AGO3: variants seen among roughly 807,000 people sequenced by gnomAD.
AGO3 encodes argonaute RISC catalytic component 3.
AGO3 carries 16 observed loss-of-function variants against 105.5 expected under a neutral mutation model. The observed-to-expected ratio is 0.15, with a 90% CI of 0.10 to 0.23. AGO3 has a LOEUF of 0.23. Ranked by LOEUF, AGO3 falls within the 10% of genes least tolerant of loss-of-function variation. The pLI, the probability that AGO3 is intolerant of heterozygous loss-of-function variation, is 1.00. For missense variants in AGO3, 534 were observed against 1,088.0 expected, an observed-to-expected ratio of 0.49 and a Z score of 7.16; for synonymous variants, 340 against 367.3, an observed-to-expected ratio of 0.93 and a Z score of 0.85.
rs1021439473 is a variant in AGO3 at position 36,062,651 on chromosome 1, T to C, written c.*6906T>C. On this transcript the variant is annotated 3_prime_UTR_variant, in exon 19 of 19. Transcript: ENST00000373191. ...ATGTAGTTACCTACCAGAGGGCAAT[T>C]TTGCTCCATACCAGGAAGCAGTAAA... 3 of 152,080 alleles carry C rather than the reference T, an allele frequency of 2.0e-5. No individual in the cohort carries two copies. The highest frequency in any genetic ancestry group is 2.9e-5 in the Non-Finnish European group (2 of 68,018). The allele number at this position is 152,080 out of a possible 1,614,324, so 9.4% of individuals were successfully genotyped here.
At chr1:36,024,927 A>C (rs1229586525) in intron 11 of AGO3, among the ~76,000 whole-genome samples, 1 of 152,052 alleles carries the variant, frequency 6.6e-6, no homozygotes, top group African/African-American at 2.4e-5. Flanking sequence ...GTTTCCACTC[A>C]TGCTGCCCTT....
intron 9 of AGO3, among the ~76,000 whole-genome samples, chr1:36,012,591 A>T (rs1240413880): frequency 1.3e-5 from 2 of 152,104 alleles, no homozygotes; most frequent in Admixed American, 1.3e-4. Flanking sequence ...ATTTTATATA[A>T]ATTATAAATC....
intron 5 of AGO3, among the ~76,000 whole-genome samples, chr1:35,977,250 A>G (rs970813827): frequency 6.8e-6 from 1 of 147,126 alleles, no homozygotes; most frequent in African/African-American, 2.5e-5. Context: ...ACCCATAAAA[A>G]TTTTTTTTTA....
Position 36,040,310 on chromosome 1 carries a change from T to C in AGO3, c.2041T>C (p.Leu681=). 1 of 1,612,728 alleles carries C rather than the reference T, an allele frequency of 6.2e-7. No homozygotes were observed. The highest frequency in any genetic ancestry group is 8.5e-7 in the Non-Finnish European group (1 of 1,178,932). The change falls in exon 16 of 19, where the codon TTA becomes CTA. Residue 681 remains leucine, a synonymous_variant. Coordinates refer to ENST00000373191, the MANE Select transcript of AGO3 (RefSeq NM_024852.4). ...CTTTCCATTTCATATTCTCTAGGTA[T>C]TATATTATGAACTACTAGCAATTCG... is the stretch of plus-strand genomic sequence containing the variant. The part of the protein sequence containing the change: ...GVSEGQFRQV[L]YYELLAIREA...
rs1557722951 is a variant in AGO3, at chr1:36,066,094, A to G, written c.*10349A>G. ...TAGATCATCCCAAAAAAGAATTGCCATGAACAGCGTTATGCGTAGAAAACA... is the reference window on the plus strand; with the variant it reads ...TAGATCATCCCAAAAAAGAATTGCCGTGAACAGCGTTATGCGTAGAAAACA... On this transcript the variant is annotated 3_prime_UTR_variant, in exon 19 of 19. Transcript: ENST00000373191. The G allele has an allele frequency of 6.6e-6, 1 of 152,116 alleles. No individual in the cohort carries two copies. The highest frequency in any genetic ancestry group is 1.9e-4 in the East Asian group (1 of 5,186). The allele number at this position is 152,116 out of a possible 1,614,324, so 9.4% of individuals were successfully genotyped here.
chr1:36,033,642 C>A (rs1641880928), intron 12 of AGO3, among the ~76,000 whole-genome samples: 9 of 131,578 alleles, frequency 6.8e-5, no homozygotes, highest in Admixed American at 7.6e-5. Context: ...GAGATCCTCT[C>A]AAAAAAAAAA....
At chr1:35,955,000 C>CATGAGCAAAGGT (rs1418992289) in intron 2 of AGO3, among the ~76,000 whole-genome samples, 1 of 152,124 alleles carries the variant, frequency 6.6e-6, no homozygotes, top group Non-Finnish European at 1.5e-5. Flanking sequence ...ACATAGACAG[C>CATGAGCAAAGGT]ATGAGCAAAG....
At chr1:36,009,727 G>A in intron 9 of AGO3, 133 bp downstream of exon 9, 2 of 935,660 alleles carry the variant, frequency 2.1e-6, no homozygotes, top group Non-Finnish European at 3.1e-6. Flanking sequence ...AATCATGGAA[G>A]TAATCTAATG....
At position 35,996,956 on chromosome 1, in the gene AGO3, G is replaced by A. The variant is rs866611884; in HGVS notation, c.659-7385G>A. Among the ~76,000 whole-genome samples, 3 of 152,082 alleles carry A rather than the reference G, an allele frequency of 2.0e-5. No homozygotes were observed. The South Asian group carries it at 6.2e-4, about 32-fold the overall frequency. On this transcript the variant is annotated intron_variant, in intron 5 of 18. Coordinates refer to ENST00000373191, the MANE Select transcript of AGO3 (RefSeq NM_024852.4). ...AGATTTGGAGCAACTAGAAATTTAG[G>A]AGTGTAAAATGGTACAAGTACTTTG...
chr1:35,963,796 G>GTTT (rs938801839), intron 2 of AGO3, among the ~76,000 whole-genome samples: 2 of 152,166 alleles, frequency 1.3e-5, no homozygotes, highest in Non-Finnish European at 2.9e-5. Flanking sequence ...AAGAAATACT[G>GTTT]CAAAGACGTG....
chr1:35,939,234 A>G (rs1646208945), intron 1 of AGO3, among the ~76,000 whole-genome samples: 1 of 152,166 alleles, frequency 6.6e-6, no homozygotes, highest in East Asian at 1.9e-4. Flanking sequence ...TCTGGATATT[A>G]TGAAAATATC....
chr1:35,948,280 C>T lies in AGO3; in HGVS notation c.191+2417C>T, dbSNP rs1485174722. On this transcript the variant is annotated intron_variant, in intron 2 of 18. Coordinates refer to ENST00000373191, the MANE Select transcript of AGO3 (RefSeq NM_024852.4). Reference sequence around the variant, plus strand: ...TTGCCCAGGCTGGAGTGCAATGGCGCGATTTCCGCTCACTGCAACCTCTGC... The same window carrying T: ...TTGCCCAGGCTGGAGTGCAATGGCGTGATTTCCGCTCACTGCAACCTCTGC... Among the ~76,000 whole-genome samples the T allele has an allele frequency of 8.0e-5, 12 of 149,664 alleles. No individual in the cohort carries two copies. In the East Asian group the frequency reaches 1.2e-3, roughly 15 times the overall value.
intron 5 of AGO3, among the ~76,000 whole-genome samples, chr1:35,989,622 C>T (rs1647425980): frequency 6.6e-6 from 1 of 151,998 alleles, no homozygotes; most frequent in Non-Finnish European, 1.5e-5. Flanking sequence ...ACCTGTAATC[C>T]CAGCATTTTT....
rs1392250766 is a variant in AGO3, at chr1:35,937,402, T to A, written c.19+5957T>A. Among the ~76,000 whole-genome samples the A allele has an allele frequency of 8.3e-5, 12 of 144,386 alleles. No homozygotes were observed. In the East Asian group the frequency reaches 9.8e-4, roughly 12 times the overall value. 94.7% of individuals were successfully genotyped at this position (144,386 alleles called of 152,430 possible). A position where few individuals can be genotyped will look rare whatever the true frequency, so the allele number is the denominator to read the frequency against. ...TGGGCAACTCAAAAAAAAAAAAAAA[T>A]TGTTTCCCAGCCGGATGTGGTGGCT... On this transcript the variant is annotated intron_variant, in intron 1 of 18. Coordinates refer to ENST00000373191, the MANE Select transcript of AGO3 (RefSeq NM_024852.4).
In AGO3 at chr1:36,036,186, G is replaced by A. The variant is rs1364305313; in HGVS notation, c.1761G>A (p.Val587=). 1 of 1,614,058 alleles carries A rather than the reference G, an allele frequency of 6.2e-7. No individual in the cohort carries two copies. The highest frequency in any genetic ancestry group is 8.5e-7 in the Non-Finnish European group (1 of 1,179,958). ...TCAAAATGTGTTTAAGACCTTCTGT[G>A]TTCCAGCAACCAGTGATCTTTTTGG... ...NILVPHQRPS[V]FQQPVIFLGA... Residue 587 remains valine (V), a synonymous_variant, in exon 14 of 19, where the codon GTG becomes GTA. Transcript: ENST00000373191.
intron 2 of AGO3, among the ~76,000 whole-genome samples, chr1:35,948,534 A>G (rs1030995616): frequency 1.0e-4 from 14 of 140,364 alleles, no homozygotes; most frequent in African/African-American, 3.4e-4. Flanking sequence ...GCCCGGCCGG[A>G]ACAGAATTGT....
At position 36,055,917 on chromosome 1, in the gene AGO3, C is replaced by T. The variant is rs1642902706; in HGVS notation, c.*172C>T. On this transcript the variant is annotated 3_prime_UTR_variant, in exon 19 of 19. Transcript: ENST00000373191. The surrounding 1 kb of genome is among the most constrained non-coding windows in gnomAD (Gnocchi z 4.4). ...ATACAAGGAAGATTGTTTACTTCAT[C>T]AAGGAACACAGCATCATTATGCAAT... 1 of 583,390 alleles carries T rather than the reference C, an allele frequency of 1.7e-6. No individual in the cohort carries two copies. The highest frequency in any genetic ancestry group is 3.0e-6 in the Non-Finnish European group (1 of 334,078). The allele number at this position is 583,390 out of a possible 1,614,324, so 36.1% of individuals were successfully genotyped here.
intron 5 of AGO3, chr1:35,982,829 G>A (rs1050315931): frequency 6.9e-5 from 34 of 494,476 alleles, no homozygotes; most frequent in East Asian, 9.5e-5. Flanking sequence ...TACATGGAAC[G>A]GATTGGAAAA....
intron 11 of AGO3, among the ~76,000 whole-genome samples, chr1:36,021,053 C>G (rs1641193646): frequency 6.6e-6 from 1 of 151,280 alleles, no homozygotes; most frequent in Admixed American, 6.6e-5. Flanking sequence ...CTGCCTCAGC[C>G]TCTCGAGTAG....
Sources: allele counts gnomAD v4.1 joint callset (sites outside exome capture counted in the v4.1 genomes callset), GRCh38; gene constraint gnomAD v4.1.1; non-coding constraint Gnocchi (gnomAD v3.1); transcripts MANE v1.5; gene names NCBI Gene and HGNC (gene_info 2026-07-23, HGNC 2026-07-21).